UNC5A: variants seen among roughly 807,000 people sequenced by gnomAD.
UNC5A encodes the protein unc-5 netrin receptor A, also known as netrin receptor UNC5A.
Under a neutral mutation model 87.4 loss-of-function variants are expected in UNC5A, and 20 were observed. That is an observed-to-expected ratio of 0.23 (90% CI 0.16 to 0.33). The LOEUF (loss-of-function observed/expected upper bound fraction) is 0.33, where lower values mean the gene tolerates loss of function less well. UNC5A is among the 10% of genes least tolerant of loss of function. The pLI is 1.00. For missense variants in UNC5A, 844 were observed against 1,133.4 expected (o/e 0.74, Z 3.67); for synonymous variants, 438 against 482.3 (o/e 0.91, Z 1.20).
intron 9 of UNC5A, 73 bp downstream of exon 9, chr5:176,877,352 GC>G: frequency 6.9e-7 from 1 of 1,444,630 alleles, no homozygotes; most frequent in Non-Finnish European, 9.5e-7. Flanking sequence ...GAAGCCCCCT[GC>G]CCACCCACTG....
intron 6 of UNC5A, among the ~76,000 whole-genome samples, chr5:176,873,295 C>T (rs1291450702): frequency 6.6e-6 from 1 of 152,214 alleles, no homozygotes; most frequent in East Asian, 1.9e-4. Flanking sequence ...AAGGCCATAA[C>T]TAACAATTAA....
chr5:176,828,627 C>G (rs973845670), intron 1 of UNC5A, among the ~76,000 whole-genome samples: 2 of 152,242 alleles, frequency 1.3e-5, no homozygotes, highest in Non-Finnish European at 2.9e-5. Context: ...TCACTCTCTG[C>G]TTTAGCTTCT....
chr5:176,877,428 A>AAGCCCCT, intron 9 of UNC5A, 107 bp from the exon 10 acceptor site: 1 of 1,409,876 alleles, frequency 7.1e-7, no homozygotes, highest in Non-Finnish European at 9.7e-7. Flanking sequence ...CCTGCAGCCC[A>AAGCCCCT]AGCCCCTGGC....
intron 1 of UNC5A, among the ~76,000 whole-genome samples, chr5:176,853,585 A>T (rs763662635): frequency 6.6e-6 from 1 of 152,118 alleles, no homozygotes; most frequent in African/African-American, 2.4e-5. Flanking sequence ...ACACGTTACT[A>T]TGGAAACCAG....
chr5:176,860,118 A>G (rs937870959), intron 1 of UNC5A, among the ~76,000 whole-genome samples: 10 of 152,120 alleles, frequency 6.6e-5, no homozygotes, highest in African/African-American at 2.2e-4. Flanking sequence ...ACCCCTGCCC[A>G]CCCAGCTCCC....
intron 1 of UNC5A, among the ~76,000 whole-genome samples, chr5:176,851,731 G>T (rs1757547997): frequency 6.6e-6 from 1 of 152,208 alleles, no homozygotes. Flanking sequence ...GTCAGGAGGG[G>T]CTGCAGAGTG....
chr5:176,837,875 T>TCTGCGGACTCGGCTTCCTAAC (rs1364980488), intron 1 of UNC5A, among the ~76,000 whole-genome samples: 43 of 152,130 alleles, frequency 2.8e-4, no homozygotes, highest in Middle Eastern at 6.3e-3. Context: ...AGGCTGTCCC[T>TCTGCGGACTCGGCTTCCTAAC]CTGCGGACTC....
chr5:176,873,229 C>T (rs1431055634), intron 6 of UNC5A, among the ~76,000 whole-genome samples: 1 of 152,174 alleles, frequency 6.6e-6, no homozygotes, highest in Non-Finnish European at 1.5e-5. Context: ...GCCTGGTCCC[C>T]CAAGTGCACA....
At chr5:176,868,505 C>A in intron 3 of UNC5A, 56 bp from the exon 4 acceptor site, 1 of 1,535,614 alleles carries the variant, frequency 6.5e-7, no homozygotes. Context: ...CACAGCCAGC[C>A]AGGCTGAGCC....
In UNC5A at chr5:176,869,521, T is replaced by C; in HGVS notation, c.721+557T>C. The stretch of plus-strand genomic sequence containing the variant: ...CAGCCACAGCCCACCCGTGTCCAGC[T>C]CACAGCCCCTCTGCCCTCACGCCCC... On this transcript the variant is annotated intron_variant, in intron 5 of 14. Transcript: ENST00000329542. The surrounding 1 kb of genome is among the most constrained non-coding windows in gnomAD (Gnocchi z 9.1). 1.6e-6 allele frequency: 1 copy of C among 620,826 alleles called. No homozygotes were observed. The highest frequency in any genetic ancestry group is 2.9e-6 in the Non-Finnish European group (1 of 340,078). The allele number at this position is 620,826 out of a possible 1,614,324, so 38.5% of individuals were successfully genotyped here. A position where few individuals can be genotyped will look rare whatever the true frequency, so the allele number is the denominator to read the frequency against.
At chr5:176,827,268 C>T (rs951348376) in intron 1 of UNC5A, among the ~76,000 whole-genome samples, 6 of 150,610 alleles carry the variant, frequency 4.0e-5, no homozygotes, top group Non-Finnish European at 4.4e-5. Context: ...CTGCAACCTC[C>T]GCCTCCCAGG....
chr5:176,868,185 G>A lies in UNC5A; in HGVS notation c.348G>A (p.Val116=). ...TCTCAAGGCAGCAGGTCGAGAAGGT[G>A]TTCGGGCTGGAGGAATACTGGTGCC... The part of the protein sequence containing the change: ...INVSRQQVEK[V]FGLEEYWCQC... The change falls in exon 3 of 15, where the codon GTG becomes GTA. Residue 116 remains valine, a synonymous_variant. Transcript: ENST00000329542. The A allele has an allele frequency of 6.2e-7, 1 of 1,613,756 alleles. No individual in the cohort carries two copies. Among genetic ancestry groups the A allele is most frequent in the Non-Finnish European group, 8.5e-7 (1 of 1,179,962 alleles).
At position 176,878,643 on chromosome 5, in the gene UNC5A, G is replaced by A. The variant is rs755452420; in HGVS notation, c.2184+4G>A. 2 of 1,608,820 alleles carry A rather than the reference G, an allele frequency of 1.2e-6. No homozygotes were observed. Among genetic ancestry groups the A allele is most frequent in the East Asian group, 2.2e-5 (1 of 44,734 alleles). On this transcript the variant is annotated splice_donor_region_variant and intron_variant, in intron 13 of 14. Coordinates refer to ENST00000329542, the MANE Select transcript of UNC5A (RefSeq NM_133369.3). ...CATCAACTTCAACATCACCAAGGTG[G>A]ACGGGAGGGGCTGCCGCACCGCCGT...
intron 6 of UNC5A, among the ~76,000 whole-genome samples, chr5:176,872,750 C>G (rs1158537817): frequency 8.6e-6 from 1 of 115,744 alleles, no homozygotes; most frequent in Non-Finnish European, 1.8e-5. Context: ...TCTGCCCACA[C>G]TCACCAACAC....
At chr5:176,822,938 G>A (rs986830365) in intron 1 of UNC5A, among the ~76,000 whole-genome samples, 1 of 152,156 alleles carries the variant, frequency 6.6e-6, no homozygotes, top group Non-Finnish European at 1.5e-5. Flanking sequence ...CTCTGAGCTG[G>A]GGAGTGACAG....
rs757662256 is a variant in UNC5A, at chr5:176,879,390, C to T, written c.2265C>T (p.Ile755=). The part of the protein sequence containing the change: ...PALVGPSAFK[I]PFLIRQKIIS... ...TGGTGGGCCCCAGTGCCTTCAAGATCCCCTTCCTCATTCGGCAGAAGATAA... is the reference window on the plus strand; with the variant it reads ...TGGTGGGCCCCAGTGCCTTCAAGATTCCCTTCCTCATTCGGCAGAAGATAA... The change falls in exon 14 of 15, where the codon ATC becomes ATT. Residue 755 remains isoleucine (I), a synonymous_variant. Coordinates refer to ENST00000329542, the MANE Select transcript of UNC5A (RefSeq NM_133369.3). 11 of 1,612,884 alleles carry T rather than the reference C, an allele frequency of 6.8e-6. No homozygotes were observed. Among genetic ancestry groups the T allele is most frequent in the Non-Finnish European group, 9.3e-6 (11 of 1,179,904 alleles).
intron 1 of UNC5A, among the ~76,000 whole-genome samples, chr5:176,833,950 C>T (rs539029175): frequency 2.0e-5 from 3 of 152,180 alleles, no homozygotes; most frequent in Admixed American, 6.5e-5. Flanking sequence ...ATGATCTGCC[C>T]GCCTCGGCCT....
In UNC5A at chr5:176,846,807, C is replaced by T. The variant is rs79980153; in HGVS notation, c.71-15817C>T. 9.5e-3 allele frequency among the ~76,000 whole-genome samples: 1,445 copies of T among 152,250 alleles called. 26 individuals are homozygous for T. Among genetic ancestry groups the T allele is most frequent in the African/African-American group, 0.033 (1,367 of 41,542 alleles). On this transcript the variant is annotated intron_variant, in intron 1 of 14. Transcript: ENST00000329542. ...GCAGGGAGAGCAGCCACAGTCCTGG[C>T]GCCGAGGCCCGGAGGGAGCTGGGGC...
chr5:176,833,769 T>C (rs1216957456), intron 1 of UNC5A, among the ~76,000 whole-genome samples: 1 of 150,800 alleles, frequency 6.6e-6, no homozygotes, highest in Non-Finnish European at 1.5e-5. Context: ...AGTGCAGTGG[T>C]GCGGTCTCCG....
Sources: gnomAD v4.1 joint callset for allele counts (sites outside exome capture counted in the v4.1 genomes callset) on GRCh38, gnomAD v4.1.1 for gene constraint, Gnocchi (gnomAD v3.1) non-coding constraint, MANE v1.5 for transcripts, NCBI Gene and HGNC (gene_info 2026-07-23, HGNC 2026-07-21) for gene names.